Variants in SLC20A2 observed in about 807,000 individuals in gnomAD.
SLC20A2 encodes sodium-dependent phosphate transporter 2.
A neutral mutation model predicts 61.0 loss-of-function variants in SLC20A2; 30 were observed. The ratio of observed to expected loss-of-function variants is 0.49; its 90% CI spans 0.37 to 0.67. The LOEUF is 0.67. SLC20A2 is among the 30% of genes least tolerant of loss of function. The probability of loss-of-function intolerance (pLI) is 0.00; values close to 1 mark genes in which losing one functional copy is unlikely to be tolerated. For missense variants in SLC20A2, 626 were observed against 866.4 expected (o/e 0.72, Z 3.48); for synonymous variants, 351 against 353.3 (o/e 0.99, Z 0.07).
chr8:42,500,982 T>C (rs1810280673), intron 1 of SLC20A2, 49 bp downstream of exon 1: 1 of 152,156 alleles, frequency 6.6e-6, no homozygotes, highest in Non-Finnish European at 1.5e-5. Context: ...TAGGAAGATT[T>C]AAGGAGAAAA....
intron 1 of SLC20A2, among the ~76,000 whole-genome samples, chr8:42,492,141 G>C (rs1809566572): frequency 6.6e-6 from 1 of 152,184 alleles, no homozygotes; most frequent in Non-Finnish European, 1.5e-5. Flanking sequence ...TGGATCACGA[G>C]GTCAGGAGTT....
intron 10 of SLC20A2, chr8:42,419,657 A>G: frequency 5.3e-6 from 5 of 938,886 alleles, no homozygotes; most frequent in Non-Finnish European, 5.1e-6. Context: ...TCCTCTCCCA[A>G]CGTGTTTTAG....
Position 42,431,524 on chromosome 8 carries a change from C to T in SLC20A2, c.1524-1275G>A, listed in dbSNP as rs112679138. Reference sequence around the variant, plus strand: ...GCAAGTGCTGATGGAGAAGCTGCAGCGAGTTCTCCAGAAGATCCATCTAAG... The same window carrying T: ...GCAAGTGCTGATGGAGAAGCTGCAGTGAGTTCTCCAGAAGATCCATCTAAG... On this transcript the variant is annotated intron_variant, in intron 8 of 10. Transcript: ENST00000520262. Among the ~76,000 whole-genome samples, 541 of 152,306 alleles carry T rather than the reference C, an allele frequency of 3.6e-3. 5 individuals are homozygous for T. The highest frequency in any genetic ancestry group is 0.012 in the African/African-American group (512 of 41,566).
chr8:42,469,690 G>A (rs1023471276), intron 2 of SLC20A2, among the ~76,000 whole-genome samples: 5 of 152,174 alleles, frequency 3.3e-5, no homozygotes, highest in Admixed American at 6.5e-5. Flanking sequence ...AGCACTTTGG[G>A]AGGCCAAGGT....
At chr8:42,483,834 G>C (rs1808739207) in intron 1 of SLC20A2, among the ~76,000 whole-genome samples, 1 of 152,146 alleles carries the variant, frequency 6.6e-6, no homozygotes. Context: ...AGCTATATTA[G>C]GAAAATACTT....
chr8:42,463,098 AT>A lies in SLC20A2; in HGVS notation c.431-9del. The A allele has an allele frequency of 1.3e-6, 2 of 1,515,106 alleles. No homozygotes were observed. The highest frequency in any genetic ancestry group is 9.0e-7 in the Non-Finnish European group (1 of 1,109,942). 93.9% of individuals were successfully genotyped at this position (1,515,106 alleles called of 1,614,324 possible). A position where few individuals can be genotyped will look rare whatever the true frequency, so the allele number is the denominator to read the frequency against. ...ATATAAACCAAGAAGCAACTGAATA[AT>A]TAAAAAAAAAATCTAATGAATGTTA... On this transcript the variant is annotated splice_polypyrimidine_tract_variant and intron_variant, in intron 3 of 10. Coordinates refer to ENST00000520262, the MANE Select transcript of SLC20A2 (RefSeq NM_001257180.2).
chr8:42,486,197 G>T (rs1808999140), intron 1 of SLC20A2, among the ~76,000 whole-genome samples: 1 of 151,630 alleles, frequency 6.6e-6, no homozygotes, highest in Non-Finnish European at 1.5e-5. Context: ...ACTGTCTAGT[G>T]TCACTTCCTT....
At chr8:42,471,004 G>A (rs1464695255) in intron 2 of SLC20A2, 2 of 335,812 alleles carry the variant, frequency 6.0e-6, no homozygotes, top group Admixed American at 8.0e-5. Context: ...AAGAAAAAAT[G>A]TAAGTGACAA....
At chr8:42,531,983 TA>T (rs1342853618) in intron 1 of SLC20A2, among the ~76,000 whole-genome samples, 2 of 90,792 alleles carry the variant, frequency 2.2e-5, no homozygotes, top group Non-Finnish European at 4.5e-5. Context: ...CACGCCTGGC[TA>T]ATTTTTTTTT....
chr8:42,428,599 A>G lies in SLC20A2; in HGVS notation c.1794+159T>C, dbSNP rs6651364. 0.22 allele frequency among the ~76,000 whole-genome samples: 33,662 copies of G among 152,216 alleles called. 7,638 individuals are homozygous for G. Among genetic ancestry groups the G allele is most frequent in the African/African-American group, 0.58 (24,137 of 41,528 alleles). ...CTGCCGAGAGGAGGACGGTGGAGGG[A>G]ACAGATGGAGGAATACAAGGTCCCG... On this transcript the variant is annotated intron_variant, in intron 10 of 10. Transcript: ENST00000520262.
intron 2 of SLC20A2, among the ~76,000 whole-genome samples, chr8:42,467,220 T>C (rs1228849039): frequency 6.6e-6 from 1 of 152,186 alleles, no homozygotes; most frequent in Admixed American, 6.5e-5. Flanking sequence ...TGTTGGACTT[T>C]TTATTTGTGT....
At chr8:42,529,741 A>G (rs2131429442) in intron 1 of SLC20A2, among the ~76,000 whole-genome samples, 1 of 152,344 alleles carries the variant, frequency 6.6e-6, no homozygotes, top group East Asian at 1.9e-4. Flanking sequence ...TCCAGAGAAC[A>G]CAAATGAAAG....
intron 1 of SLC20A2, among the ~76,000 whole-genome samples, chr8:42,493,089 C>T (rs1269283375): frequency 2.0e-5 from 3 of 152,226 alleles, no homozygotes; most frequent in Admixed American, 1.3e-4. Context: ...TGCCATTTTG[C>T]TCCAGGCCCA....
chr8:42,475,279 T>G (rs1347627476), intron 1 of SLC20A2, among the ~76,000 whole-genome samples: 3 of 151,920 alleles, frequency 2.0e-5, no homozygotes, highest in African/African-American at 7.3e-5. Flanking sequence ...TTTAAATTTT[T>G]TGTAGAGACG....
upstream of SLC20A2, among the ~76,000 whole-genome samples, chr8:42,503,640 T>C (rs1368582921): frequency 2.0e-5 from 3 of 152,252 alleles, no homozygotes; most frequent in South Asian, 6.2e-4. Context: ...TTCATTCTTT[T>C]GTTTGTACTG....
intron 8 of SLC20A2, among the ~76,000 whole-genome samples, chr8:42,436,736 TC>T (rs1563451956): frequency 6.6e-6 from 1 of 152,212 alleles, no homozygotes; most frequent in Non-Finnish European, 1.5e-5. Flanking sequence ...GGCCAGCCCT[TC>T]CCTGGAAGCC....
chr8:42,505,919 C>T (rs758873883), upstream of SLC20A2, among the ~76,000 whole-genome samples: 34 of 151,434 alleles, frequency 2.2e-4, no homozygotes, highest in Admixed American at 4.0e-4. Context: ...AAAAAATGAA[C>T]ATTGAAGAAA....
intron 1 of SLC20A2, among the ~76,000 whole-genome samples, chr8:42,475,472 C>T (rs568952861): frequency 4.6e-5 from 7 of 152,118 alleles, no homozygotes; most frequent in South Asian, 2.1e-4. Context: ...TGCAGTGGCG[C>T]GATCTTGGCT....
At chr8:42,449,427 A>C (rs1359412551) in intron 5 of SLC20A2, among the ~76,000 whole-genome samples, 1 of 152,240 alleles carries the variant, frequency 6.6e-6, no homozygotes, top group East Asian at 1.9e-4. Flanking sequence ...TTAGACGAAT[A>C]TTCAAGCCAT....
Sources: allele counts gnomAD v4.1 joint callset (sites outside exome capture counted in the v4.1 genomes callset), GRCh38; gene constraint gnomAD v4.1.1; transcripts MANE v1.5; gene names NCBI Gene and HGNC (gene_info 2026-07-23, HGNC 2026-07-21).